LYZL1: variants seen among roughly 807,000 people sequenced by gnomAD.
LYZL1 encodes the protein lysozyme like 1.
A neutral mutation model predicts 17.9 loss-of-function variants in LYZL1; 16 were observed. That is an observed-to-expected ratio of 0.90 (90% CI 0.61 to 1.36). The LOEUF is 1.36. Ranked by LOEUF, LYZL1 falls within the 40% of genes most tolerant of loss-of-function variation. The pLI is 0.00. For missense variants in LYZL1, 149 were observed against 188.4 expected, an observed-to-expected ratio of 0.79 and a Z score of 1.22; for synonymous variants, 58 against 71.8, an observed-to-expected ratio of 0.81 and a Z score of 0.97.
rs1341297509 is a variant in LYZL1 at position 29,302,052 on chromosome 10, T to G, written c.299-8058T>G. Among the ~76,000 whole-genome samples the G allele has an allele frequency of 2.6e-5, 4 of 152,258 alleles. No individual in the cohort carries two copies. The South Asian group carries it at 8.3e-4, about 31-fold the overall frequency. On this transcript the variant is annotated intron_variant, in intron 3 of 4. Coordinates refer to ENST00000649382, the MANE Select transcript of LYZL1 (RefSeq NM_032517.6). ...TTTTTCTTGAAGTCCTTGACATAAG[T>G]AAGCATGTTTATAAGAAGTGATTTA...
At chr10:29,311,873 G>C (rs188041108), downstream of LYZL1, among the ~76,000 whole-genome samples, 651 of 152,214 alleles carry the variant, frequency 4.3e-3, 7 homozygotes, top group African/African-American at 0.014. Context: ...AGCTACTCGG[G>C]AGGCTGAGGT....
At chr10:29,294,603 A>T (rs1835421570) in intron 3 of LYZL1, among the ~76,000 whole-genome samples, 1 of 152,262 alleles carries the variant, frequency 6.6e-6, no homozygotes, top group African/African-American at 2.4e-5. Flanking sequence ...TGGCCATTGC[A>T]GGAGCTCAAT....
At chr10:29,295,962 T>A (rs1350030786) in intron 3 of LYZL1, among the ~76,000 whole-genome samples, 1 of 152,132 alleles carries the variant, frequency 6.6e-6, no homozygotes, top group Admixed American at 6.6e-5. Flanking sequence ...AAATGGATCT[T>A]CCTGCAGAGT....
intron 3 of LYZL1, among the ~76,000 whole-genome samples, chr10:29,316,857 C>T (rs559223816): frequency 2.0e-5 from 3 of 152,136 alleles, no homozygotes; most frequent in South Asian, 2.1e-4. Context: ...GCTGGGACTA[C>T]AGGCGTGAGC....
chr10:29,309,394 C>A (rs1835640593), intron 3 of LYZL1, among the ~76,000 whole-genome samples: 1 of 152,182 alleles, frequency 6.6e-6, no homozygotes, highest in South Asian at 2.1e-4. Flanking sequence ...TTTTAAGGCA[C>A]AATATGAAAT....
Position 29,311,091 on chromosome 10 carries a change from A to G in LYZL1, c.*32A>G. On this transcript the variant is annotated 3_prime_UTR_variant, in exon 5 of 5. Transcript: ENST00000649382. ...ACTGGACCCAGGATGCTTTGCAGCA[A>G]CGCCCTAGGATTTGCAGTGAATGTC... 3.1e-6 allele frequency: 5 copies of G among 1,614,160 alleles called. No individual in the cohort carries two copies. The highest frequency in any genetic ancestry group is 3.4e-6 in the Non-Finnish European group (4 of 1,180,010).
chr10:29,304,854 C>T (rs1319087687), intron 3 of LYZL1, among the ~76,000 whole-genome samples: 1 of 152,302 alleles, frequency 6.6e-6, no homozygotes, highest in South Asian at 2.1e-4. Flanking sequence ...TCAAGTCCAA[C>T]TTTCAAAACA....
At chr10:29,317,323 A>G (rs1159205231) in exon 4 of LYZL1, 1 of 152,180 alleles carries the variant, frequency 6.6e-6, no homozygotes, top group South Asian at 2.1e-4. Flanking sequence ...TCCTCAGCAC[A>G]TGTTCTTCAT....
chr10:29,300,774 G>T (rs1835506734), intron 3 of LYZL1, among the ~76,000 whole-genome samples: 2 of 152,042 alleles, frequency 1.3e-5, no homozygotes, highest in Non-Finnish European at 2.9e-5. Context: ...TGATTTTGAG[G>T]AATATTTTCT....
Position 29,293,127 on chromosome 10 carries a change from C to CTTTTTTTTTTTT in LYZL1, c.298+456_298+457insTTTTTTTTTTTT, listed in dbSNP as rs778807136. ...TCTTTCTTTTTTTTTCTTTTCTTTT[C>CTTTTTTTTTTTT]TTTTTTCTTTTTTTTTTTTTTTTGA... On this transcript the variant is annotated intron_variant, in intron 3 of 4. Transcript: ENST00000649382. Among the ~76,000 whole-genome samples, 108 of 104,180 alleles carry CTTTTTTTTTTTT rather than the reference C, an allele frequency of 1.0e-3. 3 individuals carry two copies. The highest frequency in any genetic ancestry group is 1.5e-3 in the Non-Finnish European group (75 of 50,590). 68.3% of individuals were successfully genotyped at this position (104,180 alleles called of 152,430 possible).
intron 3 of LYZL1, among the ~76,000 whole-genome samples, chr10:29,298,997 T>C (rs1257313007): frequency 6.6e-6 from 1 of 152,236 alleles, no homozygotes; most frequent in African/African-American, 2.4e-5. Flanking sequence ...CTGATTTTCC[T>C]GCAACTGGAC....
At chr10:29,316,578 C>T (rs1460952375) in intron 3 of LYZL1, among the ~76,000 whole-genome samples, 3 of 151,824 alleles carry the variant, frequency 2.0e-5, no homozygotes, top group Non-Finnish European at 4.4e-5. Context: ...CTGTTCATAA[C>T]AATAATCTAC....
chr10:29,289,414 TTTC>T (rs1835330244), intron 1 of LYZL1, among the ~76,000 whole-genome samples, 184 bp downstream of exon 1: 1 of 141,774 alleles, frequency 7.1e-6, no homozygotes, highest in African/African-American at 2.8e-5. Context: ...TCTTTTTTCT[TTTC>T]TTTTTTTTTT....
intron 3 of LYZL1, among the ~76,000 whole-genome samples, chr10:29,300,376 C>G (rs78846793): frequency 6.6e-6 from 1 of 152,100 alleles, no homozygotes; most frequent in African/African-American, 2.4e-5. Context: ...AATAACACAC[C>G]ACTTCATATA....
downstream of LYZL1, among the ~76,000 whole-genome samples, chr10:29,314,180 C>A (rs891725520): frequency 6.6e-6 from 1 of 152,174 alleles, no homozygotes. Context: ...GCTCCCAGCT[C>A]CTCTAACCCC....
intron 3 of LYZL1, among the ~76,000 whole-genome samples, chr10:29,303,313 G>T (rs1435457189): frequency 6.6e-6 from 1 of 152,054 alleles, no homozygotes; most frequent in African/African-American, 2.4e-5. Context: ...TACCTTCCTG[G>T]TCTGCAGAGC....
chr10:29,310,915 C>A, intron 4 of LYZL1, 75 bp from the exon 5 acceptor site: 1 of 1,611,872 alleles, frequency 6.2e-7, no homozygotes, highest in Non-Finnish European at 8.5e-7. Context: ...TGGTTAATTT[C>A]TGTAGGCTTT....
At position 29,291,915 on chromosome 10, in the gene LYZL1, C is replaced by G; in HGVS notation, c.48C>G (p.Gly16=). The change falls in exon 2 of 5, where the codon GGC becomes GGG. Residue 16 remains glycine, a synonymous_variant. Transcript: ENST00000649382. ...ILTLIGCLVT[G]AESKIYTRCK... Reference sequence around the variant, plus strand: ...CCCTCATTGGCTGCCTGGTCACAGGCGCCGAGTCCAAAATCTACACTCGTT... The same window carrying G: ...CCCTCATTGGCTGCCTGGTCACAGGGGCCGAGTCCAAAATCTACACTCGTT... The G allele has an allele frequency of 6.3e-7, 1 of 1,589,072 alleles. No individual in the cohort carries two copies. The highest frequency in any genetic ancestry group is 8.6e-7 in the Non-Finnish European group (1 of 1,166,002).
At chr10:29,300,915 G>A (rs1052782361) in intron 3 of LYZL1, among the ~76,000 whole-genome samples, 1 of 152,218 alleles carries the variant, frequency 6.6e-6, no homozygotes, top group Non-Finnish European at 1.5e-5. Context: ...TCAACTTCCT[G>A]GGCTCAAGTA....
Sources: allele counts gnomAD v4.1 joint callset (sites outside exome capture counted in the v4.1 genomes callset), GRCh38; gene constraint gnomAD v4.1.1; transcripts MANE v1.5; gene names NCBI Gene and HGNC (gene_info 2026-07-23, HGNC 2026-07-21).